Variants in RFC3 observed in about 807,000 individuals in gnomAD.
The protein encoded by RFC3 is replication factor C subunit 3.
RFC3 carries 41 observed loss-of-function variants against 45.1 expected under a neutral mutation model. The ratio of observed to expected loss-of-function variants is 0.91; its 90% CI spans 0.71 to 1.18. The LOEUF is 1.18. RFC3 is among the 50% of genes most tolerant of loss of function. The pLI is 0.00. For synonymous variants in RFC3, 149 were observed against 144.0 expected, an observed-to-expected ratio of 1.03 and a Z score of -0.25; for missense variants, 423 against 428.1, an observed-to-expected ratio of 0.99 and a Z score of 0.10.
chr13:33,846,512 C>T (rs1450189877), intron 8 of RFC3: 3 of 152,222 alleles, frequency 2.0e-5, no homozygotes, highest in Non-Finnish European at 4.4e-5. Context: ...TCTTCCCTCC[C>T]CTCTCCTCAA....
At chr13:33,962,905 A>T (rs931895101) in intron 8 of RFC3, among the ~76,000 whole-genome samples, 7 of 152,188 alleles carry the variant, frequency 4.6e-5, no homozygotes, top group African/African-American at 1.7e-4. Flanking sequence ...ATAAAATCAG[A>T]GGAATAGAAT....
At chr13:33,916,305 T>C (rs1283638388) in intron 8 of RFC3, among the ~76,000 whole-genome samples, 1 of 152,102 alleles carries the variant, frequency 6.6e-6, no homozygotes, top group Non-Finnish European at 1.5e-5. Context: ...ACCCAGGATC[T>C]GAAAAAGATT....
At chr13:33,866,832 G>A (rs1230545988) in intron 8 of RFC3, among the ~76,000 whole-genome samples, 2 of 152,144 alleles carry the variant, frequency 1.3e-5, no homozygotes, top group Non-Finnish European at 1.5e-5. Context: ...AGGAGGAATA[G>A]GTATTTAAAA....
chr13:33,886,257 T>C (rs543612207), intron 8 of RFC3, among the ~76,000 whole-genome samples: 4 of 152,092 alleles, frequency 2.6e-5, no homozygotes, highest in Non-Finnish European at 5.9e-5. Flanking sequence ...TTTAAGAAAA[T>C]GAAACCGGAC....
At chr13:33,897,186 A>G (rs2082605606) in intron 8 of RFC3, among the ~76,000 whole-genome samples, 1 of 152,124 alleles carries the variant, frequency 6.6e-6, no homozygotes, top group African/African-American at 2.4e-5. Context: ...ATCAAAAACA[A>G]TAATAGCTAT....
intron 8 of RFC3, among the ~76,000 whole-genome samples, chr13:33,886,132 G>C (rs2082520736): frequency 1.3e-5 from 2 of 152,150 alleles, no homozygotes; most frequent in South Asian, 4.1e-4. Context: ...TTTGACCACA[G>C]AGTGATAAGC....
intron 8 of RFC3, among the ~76,000 whole-genome samples, chr13:33,882,635 C>T (rs115885478): frequency 6.2e-4 from 95 of 152,350 alleles, no homozygotes; most frequent in African/African-American, 2.1e-3. Context: ...AGATCTCGAA[C>T]TTCCCAGCTT....
chr13:33,896,814 G>A (rs967314579), intron 8 of RFC3, among the ~76,000 whole-genome samples: 5 of 147,514 alleles, frequency 3.4e-5, no homozygotes, highest in African/African-American at 1.2e-4. Flanking sequence ...AACTATATAG[G>A]CCAACAGGGA....
chr13:33,868,316 AG>A (rs2082386655), intron 8 of RFC3, among the ~76,000 whole-genome samples: 2 of 152,154 alleles, frequency 1.3e-5, no homozygotes, highest in Admixed American at 6.5e-5. Context: ...AAATTGAGGC[AG>A]GAGAGTAGGG....
chr13:33,960,422 A>G (rs1316849747), intron 8 of RFC3, among the ~76,000 whole-genome samples: 1 of 152,194 alleles, frequency 6.6e-6, no homozygotes, highest in African/African-American at 2.4e-5. Flanking sequence ...ACTTGAGCCC[A>G]TGCCTGACCT....
intron 8 of RFC3, chr13:33,835,543 A>G (rs2082146098): frequency 4.0e-6 from 2 of 499,878 alleles, no homozygotes; most frequent in Non-Finnish European, 7.7e-6. Flanking sequence ...CAAAGAAAAA[A>G]GTGAAGTTCC....
chr13:33,882,127 C>A (rs1323124344), intron 8 of RFC3, among the ~76,000 whole-genome samples: 1 of 152,164 alleles, frequency 6.6e-6, no homozygotes, highest in Non-Finnish European at 1.5e-5. Flanking sequence ...CAGATAATTT[C>A]TTTGTATCCT....
intron 8 of RFC3, among the ~76,000 whole-genome samples, chr13:33,949,124 G>T (rs1461281649): frequency 1.3e-5 from 2 of 152,158 alleles, no homozygotes; most frequent in African/African-American, 4.8e-5. Context: ...GTCAAGTGTG[G>T]GAACAGGTAG....
chr13:33,913,928 CATAACCATG>C (rs2082717723), intron 8 of RFC3, among the ~76,000 whole-genome samples: 1 of 152,038 alleles, frequency 6.6e-6, no homozygotes, highest in Non-Finnish European at 1.5e-5. Context: ...GCTTTAAAAC[CATAACCATG>C]TAATTTTATG....
intron 8 of RFC3, among the ~76,000 whole-genome samples, chr13:33,923,264 A>G (rs539145623): frequency 6.6e-6 from 1 of 152,224 alleles, no homozygotes; most frequent in Admixed American, 6.5e-5. Context: ...CGATCTTGCT[A>G]GGAGAAAGGC....
At chr13:33,884,128 CCT>C (rs950014813) in intron 8 of RFC3, among the ~76,000 whole-genome samples, 2 of 152,146 alleles carry the variant, frequency 1.3e-5, no homozygotes, top group African/African-American at 4.8e-5. Context: ...TACTGAACCA[CCT>C]ATAACGTGGA....
intron 8 of RFC3, among the ~76,000 whole-genome samples, chr13:33,963,137 T>C (rs2083067485): frequency 6.6e-6 from 1 of 150,476 alleles, no homozygotes; most frequent in Non-Finnish European, 1.5e-5. Flanking sequence ...TTTTAAGTTA[T>C]GTATAGTAAG....
At chr13:33,852,307 G>A (rs766090810) in intron 8 of RFC3, among the ~76,000 whole-genome samples, 14 of 152,078 alleles carry the variant, frequency 9.2e-5, no homozygotes, top group Non-Finnish European at 1.9e-4. Flanking sequence ...CCTACTTGAC[G>A]TGGCTCCAAC....
chr13:33,946,983 A>G (rs564115345), intron 8 of RFC3, among the ~76,000 whole-genome samples: 1 of 152,346 alleles, frequency 6.6e-6, no homozygotes, highest in South Asian at 2.1e-4. Flanking sequence ...GTTCATCAAG[A>G]TATGCATATC....
Sources: gnomAD v4.1 joint callset for allele counts (sites outside exome capture counted in the v4.1 genomes callset) on GRCh38, gnomAD v4.1.1 for gene constraint, MANE v1.5 for transcripts, NCBI Gene and HGNC (gene_info 2026-07-23, HGNC 2026-07-21) for gene names.